The following CDC14A variants were observed in gnomAD, a reference collection of about 807,000 sequenced individuals.
The protein encoded by CDC14A is cell division cycle 14A, also known as dual specificity protein phosphatase CDC14A.
In CDC14A, 53 loss-of-function variants were observed where a neutral mutation model predicts 74.4. The ratio of observed to expected loss-of-function variants is 0.71; its 90% CI spans 0.57 to 0.89. The LOEUF (loss-of-function observed/expected upper bound fraction) is 0.89. Ranked by LOEUF, CDC14A falls within the 40% of genes least tolerant of loss-of-function variation. CDC14A has a pLI of 0.00. For synonymous variants in CDC14A, 247 were observed against 258.4 expected, an observed-to-expected ratio of 0.96 and a Z score of 0.43; for missense variants, 646 against 713.7, an observed-to-expected ratio of 0.91 and a Z score of 1.08.
chr1:100,471,291 A>G (rs1668374417), intron 10 of CDC14A, among the ~76,000 whole-genome samples: 1 of 152,196 alleles, frequency 6.6e-6, no homozygotes, highest in Admixed American at 6.5e-5. Flanking sequence ...CCAAAAAAGC[A>G]TGACAGAACT....
intron 10 of CDC14A, among the ~76,000 whole-genome samples, chr1:100,471,648 A>G (rs755898519): frequency 1.8e-4 from 27 of 152,164 alleles, no homozygotes; most frequent in Admixed American, 1.2e-3. Context: ...AGACAGACAA[A>G]TTAACCAATA....
intron 3 of CDC14A, among the ~76,000 whole-genome samples, chr1:100,386,392 G>T (rs1656871483): frequency 6.6e-6 from 1 of 152,076 alleles, no homozygotes; most frequent in Non-Finnish European, 1.5e-5. Context: ...ACTTTGCTAT[G>T]GCATACAGTG....
intron 2 of CDC14A, among the ~76,000 whole-genome samples, chr1:100,373,575 T>C (rs1446895467): frequency 6.6e-6 from 1 of 152,204 alleles, no homozygotes; most frequent in Non-Finnish European, 1.5e-5. Flanking sequence ...TCTGTGAGCA[T>C]GATAAAGTGA....
chr1:100,387,168 G>C (rs1394342818), intron 3 of CDC14A, among the ~76,000 whole-genome samples: 2 of 152,172 alleles, frequency 1.3e-5, no homozygotes, highest in Non-Finnish European at 2.9e-5. Context: ...ATGACCATAA[G>C]AGGGAGGCCC....
intron 4 of CDC14A, chr1:100,393,435 G>A (rs563544690): frequency 1.3e-6 from 1 of 783,442 alleles, no homozygotes; most frequent in African/African-American, 1.7e-5. Flanking sequence ...AGAGGAAGGG[G>A]CTGGAAGTTC....
rs1650533333 is a variant in CDC14A, at chr1:100,519,678, C to G, written c.*1398C>G. 1 of 152,328 alleles carries G rather than the reference C, an allele frequency of 6.6e-6. No homozygotes were observed. Among genetic ancestry groups the G allele is most frequent in the Admixed American group, 6.6e-5 (1 of 15,250 alleles). 9.4% of individuals were successfully genotyped at this position (152,328 alleles called of 1,614,324 possible). ...AAGGCATTTGAATGAATGTTTGACT[C>G]AGGTTTGTTAAATTAACCTTCAGTA... On this transcript the variant is annotated 3_prime_UTR_variant, in exon 16 of 16. Coordinates refer to ENST00000336454, the MANE Select transcript of CDC14A (RefSeq NM_003672.4).
intron 2 of CDC14A, among the ~76,000 whole-genome samples, chr1:100,362,129 G>T (rs1652839358): frequency 6.6e-6 from 1 of 152,116 alleles, no homozygotes; most frequent in African/African-American, 2.4e-5. Flanking sequence ...AAGTAAAAAG[G>T]GGGTCATTAT....
intron 8 of CDC14A, among the ~76,000 whole-genome samples, chr1:100,461,743 G>A (rs1246225102): frequency 6.6e-6 from 1 of 152,098 alleles, no homozygotes; most frequent in Non-Finnish European, 1.5e-5. Flanking sequence ...ATTTAAAGGT[G>A]GAGCATCTTC....
intron 2 of CDC14A, among the ~76,000 whole-genome samples, chr1:100,376,379 T>G (rs1408352363): frequency 1.3e-5 from 2 of 152,090 alleles, no homozygotes; most frequent in Non-Finnish European, 2.9e-5. Flanking sequence ...AGGGAAAGGA[T>G]GAATTATAGT....
At position 100,441,100 on chromosome 1, in the gene CDC14A, C is replaced by A. The variant is rs1664879036; in HGVS notation, c.456+1102C>A. On this transcript the variant is annotated intron_variant, in intron 6 of 15. Transcript: ENST00000336454. ...CGTCACTATTATTATTTTGCCTTTTCTACCATCTGCTACAGGCCATTTGTT... is the reference window on the plus strand; with the variant it reads ...CGTCACTATTATTATTTTGCCTTTTATACCATCTGCTACAGGCCATTTGTT... Among the ~76,000 whole-genome samples the A allele has an allele frequency of 2.0e-5, 3 of 152,256 alleles. No individual in the cohort carries two copies. In the South Asian group the frequency reaches 6.2e-4, roughly 32 times the overall value.
At chr1:100,390,142 G>A (rs1657482838) in intron 3 of CDC14A, among the ~76,000 whole-genome samples, 1 of 152,064 alleles carries the variant, frequency 6.6e-6, no homozygotes, top group Admixed American at 6.6e-5. Context: ...TTTAATAGAT[G>A]GCTATTGTAA....
In CDC14A at chr1:100,486,156, G is replaced by A. The variant is rs1669999207; in HGVS notation, c.1137+1705G>A. 2.0e-5 allele frequency among the ~76,000 whole-genome samples: 3 copies of A among 152,160 alleles called. No homozygotes were observed. The South Asian group carries it at 6.2e-4, about 32-fold the overall frequency. On this transcript the variant is annotated intron_variant, in intron 11 of 15. Transcript: ENST00000336454. ...ACAAGTAAATAGGGCTTTGAGTTATGAACTCTGAAAAGACAAACATAAAGT... is the reference window on the plus strand; with the variant it reads ...ACAAGTAAATAGGGCTTTGAGTTATAAACTCTGAAAAGACAAACATAAAGT...
At chr1:100,388,365 G>T (rs1466860616) in intron 3 of CDC14A, among the ~76,000 whole-genome samples, 2 of 152,136 alleles carry the variant, frequency 1.3e-5, no homozygotes, top group Non-Finnish European at 2.9e-5. Context: ...ACAGAAAAAG[G>T]CAATGTTCAG....
intron 4 of CDC14A, among the ~76,000 whole-genome samples, chr1:100,422,708 G>C (rs578071301): frequency 3.7e-4 from 56 of 152,160 alleles, no homozygotes; most frequent in Middle Eastern, 6.8e-3. Context: ...AGCTTTGGTT[G>C]GTGTGTGCTT....
chr1:100,499,014 T>C lies in CDC14A; in HGVS notation c.1507T>C (p.Ser503Pro). The C allele has an allele frequency of 6.2e-7, 1 of 1,614,132 alleles. No individual in the cohort carries two copies. The change falls in exon 15 of 16, where the codon TCC becomes CCC. Residue 503 changes from serine (S) to proline (P), a missense_variant. Transcript: ENST00000336454. ...DDPENKKTSSSSKAGFTASPF... is the reference protein window; with the variant it reads ...DDPENKKTSSPSKAGFTASPF... ...TCCAGAGAACAAAAAGACCTCCTCA[T>C]CCTCTAAGGCAGGCTTCACAGCCAG...
At chr1:100,415,889 A>G (rs990625249) in intron 4 of CDC14A, among the ~76,000 whole-genome samples, 1 of 152,226 alleles carries the variant, frequency 6.6e-6, no homozygotes, top group African/African-American at 2.4e-5. Context: ...AAAAAATTAT[A>G]AAGTTGAATG....
intron 7 of CDC14A, among the ~76,000 whole-genome samples, chr1:100,448,367 T>C (rs1190618910): frequency 6.6e-6 from 1 of 152,240 alleles, no homozygotes; most frequent in Admixed American, 6.5e-5. Context: ...ATTGTGGCCT[T>C]GATCCTATAC....
intron 13 of CDC14A, among the ~76,000 whole-genome samples, chr1:100,497,030 AG>A (rs1378211158): frequency 6.6e-6 from 1 of 152,218 alleles, no homozygotes; most frequent in Non-Finnish European, 1.5e-5. Context: ...TTGAAATGAG[AG>A]AGAAGTCTTT....
rs1196445528 is a variant in CDC14A at position 100,498,944 on chromosome 1, C to T, written c.1437C>T (p.Ser479=). The T allele has an allele frequency of 1.2e-6, 2 of 1,610,510 alleles. No individual in the cohort carries two copies. Among genetic ancestry groups the T allele is most frequent in the Non-Finnish European group, 1.7e-6 (2 of 1,177,656 alleles). The part of the protein sequence containing the change: ...GATVRSFSIN[S]RLASSLGNLN... ...TTCCATTCAGCTTTTCCATAAACTC[C>T]CGGCTAGCCAGTTCTCTAGGGAACT... Residue 479 remains serine (S), a synonymous_variant, in exon 15 of 16, where the codon TCC becomes TCT. Transcript: ENST00000336454.
Sources: allele counts gnomAD v4.1 joint callset (sites outside exome capture counted in the v4.1 genomes callset), GRCh38; gene constraint gnomAD v4.1.1; transcripts MANE v1.5; gene names NCBI Gene and HGNC (gene_info 2026-07-23, HGNC 2026-07-21).